SORBS3: variants seen among roughly 807,000 people sequenced by gnomAD.
SORBS3 encodes the protein vinexin.
SORBS3 carries 69 observed loss-of-function variants against 98.0 expected under a neutral mutation model. That is an observed-to-expected ratio of 0.70 (90% CI 0.58 to 0.86). The LOEUF (loss-of-function observed/expected upper bound fraction) is 0.86. SORBS3 is among the 40% of genes least tolerant of loss of function. The pLI is 0.00. For missense variants in SORBS3, 954 were observed against 908.5 expected, an observed-to-expected ratio of 1.05 and a Z score of -0.64; for synonymous variants, 394 against 355.4, an observed-to-expected ratio of 1.11 and a Z score of -1.22.
exon 1 of SORBS3, chr8:22,545,059 T>A (rs1586882613): frequency 6.6e-6 from 1 of 152,180 alleles, no homozygotes; most frequent in Non-Finnish European, 1.5e-5. Flanking sequence ...TCCTAAATTG[T>A]TTGTGGTTAT....
chr8:22,565,577 G>A, intron 11 of SORBS3: 1 of 644,408 alleles, frequency 1.6e-6, no homozygotes, highest in Non-Finnish European at 2.2e-6. Flanking sequence ...GCCTTTCTAA[G>A]CGGACTCCAC....
Position 22,554,724 on chromosome 8 carries a change from TG to T in SORBS3, c.102+122del. ...ATGGAGGGAGGGCTGAAGAGAGCTC[TG>T]GGGGGCCTCGCTGGTTTCCCACAAA... On this transcript the variant is annotated intron_variant, in intron 2 of 20. Transcript: ENST00000240123. The surrounding 1 kb of genome is among the most constrained non-coding windows in gnomAD (Gnocchi z 6.5). 1.5e-6 allele frequency: 2 copies of T among 1,374,054 alleles called. No homozygotes were observed. The highest frequency in any genetic ancestry group is 2.0e-6 in the Non-Finnish European group (2 of 1,012,828). 85.1% of individuals were successfully genotyped at this position (1,374,054 alleles called of 1,614,324 possible). A position where few individuals can be genotyped will look rare whatever the true frequency, so the allele number is the denominator to read the frequency against.
intron 10 of SORBS3, 60 bp from the exon 11 acceptor site, chr8:22,565,208 C>T (rs983946329): frequency 1.7e-5 from 25 of 1,492,228 alleles, no homozygotes; most frequent in Non-Finnish European, 2.2e-5. Context: ...GATCTTTGAC[C>T]GCTGCCTCCC....
At chr8:22,545,591 A>G (rs1840007740) in intron 1 of SORBS3, among the ~76,000 whole-genome samples, 1 of 152,222 alleles carries the variant, frequency 6.6e-6, no homozygotes, top group South Asian at 2.1e-4. Context: ...CCTTTGTCTG[A>G]GACAGGGTTA....
intron 4 of SORBS3, 123 bp from the exon 5 acceptor site, chr8:22,558,006 C>T (rs930145098): frequency 2.3e-6 from 2 of 861,666 alleles, no homozygotes; most frequent in Non-Finnish European, 4.0e-6. Flanking sequence ...AAGCATTTCC[C>T]AGCCCACCTA....
At position 22,566,478 on chromosome 8, in the gene SORBS3, A is replaced by C; in HGVS notation, c.1084A>C (p.Thr362Pro). The part of the protein sequence containing the change: ...GRRDFVYPSS[T>P]RDPSASNGGG... ...GAGGGACTTTGTCTACCCTTCCTCA[A>C]CCCGAGGTAAGGACCCAGCCCTGCT... The change falls in exon 13 of 21, where the codon ACC becomes CCC. Residue 362 changes from threonine to proline, a missense_variant. Coordinates refer to ENST00000240123, the MANE Select transcript of SORBS3 (RefSeq NM_005775.5). 6.2e-7 allele frequency: 1 copy of C among 1,613,554 alleles called. No homozygotes were observed. The highest frequency in any genetic ancestry group is 8.5e-7 in the Non-Finnish European group (1 of 1,179,734).
At chr8:22,574,552 C>A (rs2117315691) in intron 20 of SORBS3, 115 bp from the exon 21 acceptor site, 1 of 985,678 alleles carries the variant, frequency 1.0e-6, no homozygotes, top group South Asian at 1.5e-5. Flanking sequence ...TCTCTGGGCT[C>A]CCCTACAGAA....
In SORBS3 at chr8:22,575,240, C is replaced by T. The variant is rs778503203; in HGVS notation, c.*512C>T. 61 of 313,964 alleles carry T rather than the reference C, an allele frequency of 1.9e-4. No homozygotes were observed. In the Middle Eastern group the frequency reaches 3.5e-3, roughly 18 times the overall value. The allele number at this position is 313,964 out of a possible 1,614,324, so 19.4% of individuals were successfully genotyped here. On this transcript the variant is annotated 3_prime_UTR_variant, in exon 21 of 21. Coordinates refer to ENST00000240123, the MANE Select transcript of SORBS3 (RefSeq NM_005775.5). ...CTGGGTGTGGGGGGGCGGAGCAAGG[C>T]GGGGGACAGACGCAGCACCTTCTTA... is the stretch of plus-strand genomic sequence containing the variant.
At chr8:22,545,534 C>A (rs1301637640) in intron 1 of SORBS3, 1 of 152,288 alleles carries the variant, frequency 6.6e-6, no homozygotes, top group Non-Finnish European at 1.5e-5. Context: ...TCCCGGGAGG[C>A]CTTGGCCTCA....
At chr8:22,561,575 G>A in intron 6 of SORBS3, 1 of 631,000 alleles carries the variant, frequency 1.6e-6, no homozygotes, top group Non-Finnish European at 2.8e-6. Flanking sequence ...CACGGGGAAC[G>A]CGCGCTCTGC....
At chr8:22,560,699 G>T (rs1306366620) in intron 5 of SORBS3, among the ~76,000 whole-genome samples, 2 of 152,170 alleles carry the variant, frequency 1.3e-5, no homozygotes, top group African/African-American at 4.8e-5. Flanking sequence ...GATTGGAGAT[G>T]GTGTGGTCTT....
At chr8:22,556,450 C>A (rs529170637) in intron 3 of SORBS3, among the ~76,000 whole-genome samples, 1 of 152,290 alleles carries the variant, frequency 6.6e-6, no homozygotes, top group East Asian at 1.9e-4. Flanking sequence ...GTAATGATTT[C>A]CAGACCTTAT....
intron 16 of SORBS3, 80 bp downstream of exon 16, chr8:22,567,255 TTTCC>T: frequency 9.5e-7 from 1 of 1,049,550 alleles, no homozygotes. Context: ...AAACCTTGGG[TTTCC>T]TAAAGCAAAA....
At chr8:22,564,899 C>A (rs1207536466) in intron 10 of SORBS3, 1 of 526,542 alleles carries the variant, frequency 1.9e-6, no homozygotes, top group Non-Finnish European at 2.6e-6. Flanking sequence ...CCTGGGGTGG[C>A]GGGGGAACCT....
In SORBS3 at chr8:22,554,426, T is replaced by G; in HGVS notation, c.-55-26T>G. The G allele has an allele frequency of 6.4e-7, 1 of 1,552,050 alleles. No homozygotes were observed. The highest frequency in any genetic ancestry group is 8.6e-7 in the Non-Finnish European group (1 of 1,156,468). On this transcript the variant is annotated intron_variant, in intron 1 of 20. Transcript: ENST00000240123. This position sits in a 1 kb window ranked among gnomAD's most constrained non-coding sequence, Gnocchi z 6.5. ...ATGGGCAGCCTAGCCTAGCAGGGCT[T>G]TCCCTTCCTTCCTCCTTCCCCACAG...
chr8:22,552,999 C>T lies in SORBS3; in HGVS notation c.-56+977C>T, dbSNP rs570880887. ...CAGCAACTCAAATGTCAGGAGTCCCCACAAACTCAAACCAGAGACAAGGAG... is the reference window on the plus strand; with the variant it reads ...CAGCAACTCAAATGTCAGGAGTCCCTACAAACTCAAACCAGAGACAAGGAG... On this transcript the variant is annotated intron_variant, in intron 1 of 20. Coordinates refer to ENST00000240123, the MANE Select transcript of SORBS3 (RefSeq NM_005775.5). Among the ~76,000 whole-genome samples the T allele has an allele frequency of 5.3e-5, 8 of 152,306 alleles. 1 individual carries two copies. The South Asian group carries it at 1.7e-3, about 32-fold the overall frequency.
At chr8:22,552,528 G>A (rs1045477557) in intron 1 of SORBS3, among the ~76,000 whole-genome samples, 4 of 152,194 alleles carry the variant, frequency 2.6e-5, no homozygotes, top group Non-Finnish European at 5.9e-5. Context: ...GGTGGGGGGC[G>A]ACACAAGGGG....
At chr8:22,571,382 G>A (rs1840579972) in intron 18 of SORBS3, among the ~76,000 whole-genome samples, 161 bp downstream of exon 18, 1 of 152,140 alleles carries the variant, frequency 6.6e-6, no homozygotes, top group East Asian at 1.9e-4. Context: ...CCTGGCCTGG[G>A]GGACCTCAAC....
chr8:22,565,412 G>C, intron 11 of SORBS3, 58 bp downstream of exon 11: 1 of 1,368,434 alleles, frequency 7.3e-7, no homozygotes, highest in Non-Finnish European at 9.9e-7. Context: ...GTCGGGGCGA[G>C]CCGGGAGCCT....
Sources: allele counts gnomAD v4.1 joint callset (sites outside exome capture counted in the v4.1 genomes callset), GRCh38; gene constraint gnomAD v4.1.1; non-coding constraint Gnocchi (gnomAD v3.1); transcripts MANE v1.5; gene names NCBI Gene and HGNC (gene_info 2026-07-23, HGNC 2026-07-21).